FAM107B: variants seen among roughly 807,000 people sequenced by gnomAD.
The protein encoded by FAM107B is protein FAM107B.
Under a neutral mutation model 31.5 loss-of-function variants are expected in FAM107B, and 21 were observed. The ratio of observed to expected loss-of-function variants is 0.67; its 90% CI spans 0.47 to 0.96. The LOEUF is 0.96. Among genes scored for constraint, FAM107B ranks in the 40% least tolerant of loss-of-function variants. The pLI is 0.00. For missense variants in FAM107B, 452 were observed against 377.1 expected (o/e 1.20, Z -1.64); for synonymous variants, 157 against 141.5 (o/e 1.11, Z -0.78).
intron 2 of FAM107B, among the ~76,000 whole-genome samples, chr10:14,604,677 C>G (rs1852539863): frequency 6.6e-6 from 1 of 152,042 alleles, no homozygotes; most frequent in African/African-American, 2.4e-5. Flanking sequence ...AAGGCGGCCG[C>G]GTGGGTCACA....
Position 14,697,256 on chromosome 10 carries a change from G to A in FAM107B, c.412-29565C>T, listed in dbSNP as rs189666827. Among the ~76,000 whole-genome samples the A allele has an allele frequency of 8.3e-4, 126 of 152,188 alleles. 1 individual carries two copies. The South Asian group carries it at 0.013, about 16-fold the overall frequency. On this transcript the variant is annotated intron_variant, in intron 1 of 4. Coordinates refer to ENST00000181796, the MANE Select transcript of FAM107B (RefSeq NM_031453.4). ...TCAGCTCATAGCCAACTCTTCTTTC[G>A]TCCTCTCCTCCTCTCCTGAGACCCC...
chr10:14,601,163 G>A (rs1852384358), intron 2 of FAM107B, among the ~76,000 whole-genome samples: 1 of 152,198 alleles, frequency 6.6e-6, no homozygotes, highest in Non-Finnish European at 1.5e-5. Context: ...TCTGGTGAAT[G>A]GAGAGTAAAT....
At chr10:14,557,516 C>T (rs1440781342) in intron 2 of FAM107B, among the ~76,000 whole-genome samples, 1 of 152,200 alleles carries the variant, frequency 6.6e-6, no homozygotes, top group Non-Finnish European at 1.5e-5. Flanking sequence ...TGGGTCTGTG[C>T]TCTACTGTAA....
chr10:14,601,387 G>C (rs558114721), intron 2 of FAM107B, among the ~76,000 whole-genome samples: 4 of 152,266 alleles, frequency 2.6e-5, no homozygotes, highest in Admixed American at 6.5e-5. Flanking sequence ...GTCAGGCCCA[G>C]CCCTTCTTGA....
chr10:14,688,675 G>A (rs1475605464), intron 1 of FAM107B, among the ~76,000 whole-genome samples: 1 of 152,166 alleles, frequency 6.6e-6, no homozygotes, highest in Non-Finnish European at 1.5e-5. Context: ...CCTAGAATTT[G>A]AGTGTGAATT....
intron 1 of FAM107B, among the ~76,000 whole-genome samples, chr10:14,756,688 G>T (rs190482849): frequency 6.6e-6 from 1 of 152,086 alleles, no homozygotes; most frequent in African/African-American, 2.4e-5. Context: ...AATACAAATT[G>T]TTCTACCATA....
At chr10:14,642,302 G>C (rs994169591) in intron 2 of FAM107B, among the ~76,000 whole-genome samples, 24 of 152,206 alleles carry the variant, frequency 1.6e-4, no homozygotes, top group Non-Finnish European at 3.4e-4. Context: ...CCTGGGTCTT[G>C]TCAGAAGGCT....
intron 1 of FAM107B, among the ~76,000 whole-genome samples, chr10:14,721,874 C>G (rs1005482413): frequency 1.2e-4 from 18 of 152,104 alleles, no homozygotes; most frequent in African/African-American, 3.6e-4. Flanking sequence ...TCTATTTTGG[C>G]TTTTGTTGCC....
chr10:14,605,345 G>A (rs1031216640), intron 2 of FAM107B, among the ~76,000 whole-genome samples: 1 of 150,640 alleles, frequency 6.6e-6, no homozygotes, highest in African/African-American at 2.4e-5. Flanking sequence ...AATCACAGCA[G>A]GTACAAAATC....
At chr10:14,553,149 C>T (rs1849409800) in intron 2 of FAM107B, among the ~76,000 whole-genome samples, 1 of 152,116 alleles carries the variant, frequency 6.6e-6, no homozygotes, top group African/African-American at 2.4e-5. Flanking sequence ...ACTACCTTCT[C>T]CAATTGTTAA....
rs533509312 is a variant in FAM107B at position 14,583,260 on chromosome 10, G to T, written c.470-52745C>A. Among the ~76,000 whole-genome samples, 170 of 152,234 alleles carry T rather than the reference G, an allele frequency of 1.1e-3. 4 individuals carry two copies. The South Asian group carries it at 0.035, about 31-fold the overall frequency. On this transcript the variant is annotated intron_variant, in intron 2 of 4. Coordinates refer to ENST00000181796, the MANE Select transcript of FAM107B (RefSeq NM_031453.4). ...TCTTCATCTGGCAGAAGTTACCCAG[G>T]GAGAGAGAAGAGGACATATCCCTTC...
chr10:14,765,884 G>A (rs7917303), intron 1 of FAM107B, among the ~76,000 whole-genome samples: 2,920 of 152,208 alleles, frequency 0.019, 93 homozygotes, highest in African/African-American at 0.065. Context: ...TGGAAATATA[G>A]CCCAGCAGAG....
intron 1 of FAM107B, among the ~76,000 whole-genome samples, chr10:14,670,818 A>C (rs1310613312): frequency 6.6e-6 from 1 of 152,240 alleles, no homozygotes; most frequent in Non-Finnish European, 1.5e-5. Flanking sequence ...GCACAGAATA[A>C]ACAAGCATCT....
intron 1 of FAM107B, among the ~76,000 whole-genome samples, chr10:14,698,944 C>A (rs960240937): frequency 6.6e-6 from 1 of 152,154 alleles, no homozygotes; most frequent in East Asian, 1.9e-4. Flanking sequence ...TAAGCACATG[C>A]CACGTGCTGT....
chr10:14,541,194 A>C (rs1168680645), intron 2 of FAM107B, among the ~76,000 whole-genome samples: 1 of 152,070 alleles, frequency 6.6e-6, no homozygotes, highest in African/African-American at 2.4e-5. Context: ...CATGGCCTCC[A>C]TCCCCTCCGG....
chr10:14,540,587 C>A (rs1404080773), intron 2 of FAM107B, among the ~76,000 whole-genome samples: 1 of 152,208 alleles, frequency 6.6e-6, no homozygotes, highest in Non-Finnish European at 1.5e-5. Context: ...TTCCTCTTCC[C>A]TCCCTTTAAC....
intron 2 of FAM107B, among the ~76,000 whole-genome samples, chr10:14,624,660 C>T (rs111239359): frequency 2.6e-5 from 4 of 152,148 alleles, no homozygotes; most frequent in African/African-American, 9.6e-5. Context: ...TGAGGGTCAA[C>T]TCCCAAAGAA....
chr10:14,702,281 C>T (rs1157109080), intron 1 of FAM107B, among the ~76,000 whole-genome samples: 2 of 152,198 alleles, frequency 1.3e-5, no homozygotes, highest in South Asian at 2.1e-4. Flanking sequence ...GTTAAATTAA[C>T]CTTTTGCTGG....
chr10:14,712,757 T>G (rs138716028), intron 1 of FAM107B, among the ~76,000 whole-genome samples: 1 of 152,174 alleles, frequency 6.6e-6, no homozygotes, highest in African/African-American at 2.4e-5. Context: ...GAGGTTCAGA[T>G]GAGAAGTGTT....
Sources: gnomAD v4.1 joint callset for allele counts (sites outside exome capture counted in the v4.1 genomes callset) on GRCh38, gnomAD v4.1.1 for gene constraint, MANE v1.5 for transcripts, NCBI Gene and HGNC (gene_info 2026-07-23, HGNC 2026-07-21) for gene names.